The following PPP1R9A variants were observed in gnomAD, a reference collection of about 807,000 sequenced individuals.
The protein encoded by PPP1R9A is protein phosphatase 1 regulatory subunit 9A, also known as neurabin-1.
PPP1R9A carries 59 observed loss-of-function variants against 141.9 expected under a neutral mutation model. The ratio of observed to expected loss-of-function variants is 0.42; its 90% CI spans 0.34 to 0.52. The LOEUF is 0.52. Ranked by LOEUF, PPP1R9A falls within the 20% of genes least tolerant of loss-of-function variation. The probability of loss-of-function intolerance (pLI) is 0.10; values close to 1 mark genes in which losing one functional copy is unlikely to be tolerated. For missense variants in PPP1R9A, 1,444 were observed against 1,611.9 expected (o/e 0.90, Z 1.78); for synonymous variants, 500 against 569.7 (o/e 0.88, Z 1.74).
Position 95,209,282 on chromosome 7 carries a change from C to G in PPP1R9A, c.1956+5552C>G, listed in dbSNP as rs1489042401. ...ATAGTTCCTGCTCTCTGAGGACTTA[C>G]AAAATGGCTTAAAACTCTGTGTCTT... On this transcript the variant is annotated intron_variant, in intron 7 of 19. Coordinates refer to ENST00000433360, the MANE Select transcript of PPP1R9A (RefSeq NM_001166160.2). 2.0e-5 allele frequency among the ~76,000 whole-genome samples: 3 copies of G among 152,154 alleles called. No individual in the cohort carries two copies. The East Asian group carries it at 5.8e-4, about 29-fold the overall frequency.
intron 8 of PPP1R9A, among the ~76,000 whole-genome samples, chr7:95,227,300 G>C (rs2152955644): frequency 6.6e-6 from 1 of 152,318 alleles, no homozygotes; most frequent in South Asian, 2.1e-4. Context: ...TTTACCAGTT[G>C]AGTATGACCC....
rs747634225 is a variant in PPP1R9A at position 94,910,971 on chromosome 7, T to C, written c.858T>C (p.Ser286=). 6.2e-7 allele frequency: 1 copy of C among 1,614,148 alleles called. No individual in the cohort carries two copies. The highest frequency in any genetic ancestry group is 1.1e-5 in the South Asian group (1 of 91,080). ...ATPVPEVASK[S]TSLASIPGEE... ...CAGTACCAGAAGTGGCTTCTAAAAG[T>C]ACCTCTCTAGCTTCGATACCTGGTG... Residue 286 remains serine, a synonymous_variant, in exon 2 of 20, where the codon AGT becomes AGC. Transcript: ENST00000433360. This position sits in a 1 kb window ranked among gnomAD's most constrained non-coding sequence, Gnocchi z 4.5.
At chr7:95,133,664 T>G (rs1001127417) in intron 4 of PPP1R9A, among the ~76,000 whole-genome samples, 20 of 151,894 alleles carry the variant, frequency 1.3e-4, no homozygotes, top group Admixed American at 3.9e-4. Context: ...CAGAAGACCA[T>G]GTCCAGGTGC....
Position 95,031,046 on chromosome 7 carries a change from G to A in PPP1R9A, c.1396-80213G>A, listed in dbSNP as rs192377137. ...TAGTTGGGCCCTCTATTAAACAGCA[G>A]CTGATGGCCAAGTAGGGCAGAAACC... On this transcript the variant is annotated intron_variant, in intron 2 of 19. Coordinates refer to ENST00000433360, the MANE Select transcript of PPP1R9A (RefSeq NM_001166160.2). 3.5e-3 allele frequency among the ~76,000 whole-genome samples: 539 copies of A among 152,260 alleles called. 2 individuals carry two copies. The highest frequency in any genetic ancestry group is 0.024 in the Middle Eastern group (7 of 294).
intron 2 of PPP1R9A, among the ~76,000 whole-genome samples, chr7:95,107,573 G>A (rs998566001): frequency 2.6e-5 from 4 of 151,934 alleles, no homozygotes; most frequent in Non-Finnish European, 5.9e-5. Context: ...TTTCAGATAG[G>A]TATCTAATTC....
chr7:95,015,138 A>G (rs978773050), intron 2 of PPP1R9A, among the ~76,000 whole-genome samples: 1 of 151,968 alleles, frequency 6.6e-6, no homozygotes, highest in Non-Finnish European at 1.5e-5. Flanking sequence ...TGGGCACTTC[A>G]TGTGAAAATT....
intron 2 of PPP1R9A, among the ~76,000 whole-genome samples, chr7:94,920,925 G>A (rs1451480878): frequency 6.6e-6 from 1 of 151,850 alleles, no homozygotes; most frequent in Non-Finnish European, 1.5e-5. Context: ...TATTCACCTC[G>A]GATTTCTCCT....
chr7:95,132,469 G>A (rs1824831101), intron 4 of PPP1R9A, among the ~76,000 whole-genome samples: 1 of 152,134 alleles, frequency 6.6e-6, no homozygotes, highest in Non-Finnish European at 1.5e-5. Flanking sequence ...TTATGTTTAT[G>A]TGGTGAATCA....
chr7:95,197,735 G>A (rs1368880297), intron 5 of PPP1R9A, among the ~76,000 whole-genome samples: 3 of 152,046 alleles, frequency 2.0e-5, no homozygotes, highest in Non-Finnish European at 2.9e-5. Flanking sequence ...TGCAACCTCC[G>A]CCTCTCGGAT....
intron 7 of PPP1R9A, among the ~76,000 whole-genome samples, chr7:95,215,537 G>A (rs1793171609): frequency 6.6e-6 from 1 of 152,126 alleles, no homozygotes; most frequent in South Asian, 2.1e-4. Context: ...GATCCTTGAG[G>A]AATCGCCACA....
intron 2 of PPP1R9A, among the ~76,000 whole-genome samples, chr7:94,982,270 T>C (rs1222605573): frequency 1.3e-5 from 2 of 152,208 alleles, no homozygotes; most frequent in African/African-American, 4.8e-5. Flanking sequence ...TTGTGAATAG[T>C]GCCACAGTAA....
At chr7:95,184,276 C>T (rs1834305091) in intron 5 of PPP1R9A, among the ~76,000 whole-genome samples, 1 of 152,034 alleles carries the variant, frequency 6.6e-6, no homozygotes, top group Non-Finnish European at 1.5e-5. Flanking sequence ...ATCTTGTGAC[C>T]CATAGTTCAC....
chr7:94,973,217 T>C (rs1799055401), intron 2 of PPP1R9A, among the ~76,000 whole-genome samples: 1 of 152,226 alleles, frequency 6.6e-6, no homozygotes, highest in South Asian at 2.1e-4. Flanking sequence ...AAAAATAATG[T>C]GTTTTTATAT....
chr7:95,044,023 T>C (rs972562360), intron 2 of PPP1R9A, among the ~76,000 whole-genome samples: 2 of 152,216 alleles, frequency 1.3e-5, no homozygotes, highest in Non-Finnish European at 2.9e-5. Context: ...ATCCTTCTTA[T>C]TGCAGAAGCA....
intron 2 of PPP1R9A, among the ~76,000 whole-genome samples, chr7:94,960,767 TA>T (rs1160523791): frequency 1.3e-5 from 2 of 151,714 alleles, no homozygotes; most frequent in Non-Finnish European, 1.5e-5. Flanking sequence ...TTATTTTTTT[TA>T]AATCCAGATC....
intron 2 of PPP1R9A, among the ~76,000 whole-genome samples, chr7:95,040,138 C>T (rs952475609): frequency 6.6e-5 from 10 of 152,016 alleles, no homozygotes; most frequent in Non-Finnish European, 1.5e-4. Flanking sequence ...CCTTCAATTT[C>T]ACATAGATGT....
At chr7:95,249,878 A>T in intron 9 of PPP1R9A, 148 bp from the exon 10 acceptor site, 1 of 1,155,466 alleles carries the variant, frequency 8.7e-7, no homozygotes, top group Non-Finnish European at 1.2e-6. Flanking sequence ...CTGTGGAATT[A>T]TAAAAATAAT....
chr7:95,049,534 A>G (rs1810499394), intron 2 of PPP1R9A, among the ~76,000 whole-genome samples: 1 of 152,158 alleles, frequency 6.6e-6, no homozygotes, highest in Admixed American at 6.5e-5. Flanking sequence ...ACTTTGACAC[A>G]TCATTATCAC....
chr7:95,181,009 A>G (rs1230873128), intron 5 of PPP1R9A, among the ~76,000 whole-genome samples: 1 of 151,670 alleles, frequency 6.6e-6, no homozygotes, highest in Non-Finnish European at 1.5e-5. Context: ...GTGATCCAGC[A>G]ATCCCACTAC....
Sources: gnomAD v4.1 joint callset for allele counts (sites outside exome capture counted in the v4.1 genomes callset) on GRCh38, gnomAD v4.1.1 for gene constraint, Gnocchi (gnomAD v3.1) non-coding constraint, MANE v1.5 for transcripts, NCBI Gene and HGNC (gene_info 2026-07-23, HGNC 2026-07-21) for gene names.